The following RXRG variants were observed in gnomAD, a reference collection of about 807,000 sequenced individuals.
RXRG encodes the protein retinoid X receptor gamma, also known as retinoic acid receptor RXR-gamma.
Under a neutral mutation model 49.2 loss-of-function variants are expected in RXRG, and 19 were observed. The ratio of observed to expected loss-of-function variants is 0.39; its 90% CI spans 0.27 to 0.57. The LOEUF is 0.57. Ranked by LOEUF, RXRG falls within the 20% of genes least tolerant of loss-of-function variation. The pLI, the probability that RXRG is intolerant of heterozygous loss-of-function variation, is 0.64. For synonymous variants in RXRG, 224 were observed against 216.6 expected (o/e 1.03, Z -0.30); for missense variants, 452 against 592.5 (o/e 0.76, Z 2.46).
intron 1 of RXRG, among the ~76,000 whole-genome samples, chr1:165,435,306 G>C (rs1658790188): frequency 6.6e-6 from 1 of 152,184 alleles, no homozygotes; most frequent in Admixed American, 6.5e-5. Flanking sequence ...CAAGGGCATG[G>C]CATGCATCAT....
At chr1:165,423,977 A>G (rs1167592509) in intron 2 of RXRG, among the ~76,000 whole-genome samples, 1 of 152,206 alleles carries the variant, frequency 6.6e-6, no homozygotes. Flanking sequence ...AGAAATTAGC[A>G]ATGATAGAAC....
chr1:165,419,597 G>C (rs1048924740), intron 3 of RXRG, among the ~76,000 whole-genome samples: 1 of 152,118 alleles, frequency 6.6e-6, no homozygotes, highest in East Asian at 1.9e-4. Flanking sequence ...AATCACAACA[G>C]CTTCTGTCTC....
At chr1:165,415,365 CT>C (rs971072743) in intron 4 of RXRG, among the ~76,000 whole-genome samples, 2 of 152,148 alleles carry the variant, frequency 1.3e-5, no homozygotes, top group African/African-American at 4.8e-5. Context: ...AGATTTTTGC[CT>C]TTTTTTCTGG....
rs1481886422 is a variant in RXRG at position 165,408,305 on chromosome 1, G to A, written c.1060C>T (p.Leu354=). The A allele has an allele frequency of 6.2e-7, 1 of 1,611,502 alleles. No individual in the cohort carries two copies. The highest frequency in any genetic ancestry group is 8.5e-7 in the Non-Finnish European group (1 of 1,177,556). ...GSIFDRVLTE[L]VSKMKDMQMD... ...TGCATGTCTTTCATTTTGGAAACCA[G>A]CTCAGTTAGGACTCTGTTAACAGGA... The change falls in exon 8 of 10, where the codon CTG becomes TTG. Residue 354 remains leucine, a synonymous_variant. Coordinates refer to ENST00000359842, the MANE Select transcript of RXRG (RefSeq NM_006917.5).
At chr1:165,428,659 G>T in intron 2 of RXRG, 60 bp downstream of exon 2, 1 of 1,526,448 alleles carries the variant, frequency 6.6e-7, no homozygotes, top group Non-Finnish European at 8.8e-7. Context: ...TGCTCCAGGA[G>T]CAGCCTGGGT....
intron 1 of RXRG, among the ~76,000 whole-genome samples, chr1:165,433,601 C>G (rs1268034782): frequency 6.6e-6 from 1 of 152,220 alleles, no homozygotes; most frequent in East Asian, 1.9e-4. Context: ...GTAACATACC[C>G]AAGAATAGCA....
At chr1:165,402,875 C>T (rs1015474517) in intron 9 of RXRG, among the ~76,000 whole-genome samples, 2 of 151,974 alleles carry the variant, frequency 1.3e-5, no homozygotes, top group African/African-American at 2.4e-5. Flanking sequence ...CATACTCACA[C>T]ATGTGCACAC....
intron 9 of RXRG, among the ~76,000 whole-genome samples, chr1:165,404,157 G>T (rs1350373656): frequency 6.6e-6 from 1 of 152,180 alleles, no homozygotes; most frequent in Non-Finnish European, 1.5e-5. Context: ...GCGGACCAGA[G>T]GTGACCAGCC....
At chr1:165,411,591 C>T (rs976758578) in intron 4 of RXRG, among the ~76,000 whole-genome samples, 1 of 152,172 alleles carries the variant, frequency 6.6e-6, no homozygotes, top group South Asian at 2.1e-4. Flanking sequence ...CCAGCTTGAA[C>T]ACAACATCAC....
At chr1:165,427,857 G>GAGA (rs1238495947) in intron 2 of RXRG, among the ~76,000 whole-genome samples, 1 of 152,198 alleles carries the variant, frequency 6.6e-6, no homozygotes, top group East Asian at 1.9e-4. Context: ...GATACACCAT[G>GAGA]AGAAAAGCAT....
At chr1:165,409,470 T>C (rs1657864647) in intron 7 of RXRG, 88 bp downstream of exon 7, 2 of 1,254,132 alleles carry the variant, frequency 1.6e-6, no homozygotes, top group South Asian at 3.7e-5. Flanking sequence ...CACGTGAGAA[T>C]TCATGTATGT....
Position 165,428,973 on chromosome 1 carries a change from G to A in RXRG, c.50-7C>T. The A allele has an allele frequency of 6.2e-7, 1 of 1,611,188 alleles. No individual in the cohort carries two copies. ...CCAGTGTGGCCAGGGGAGCCTGTAA[G>A]AAGAAGAATATAGATGGTGGGAGGT... On this transcript the variant is annotated splice_region_variant and splice_polypyrimidine_tract_variant and intron_variant, in intron 1 of 9. Coordinates refer to ENST00000359842, the MANE Select transcript of RXRG (RefSeq NM_006917.5).
intron 1 of RXRG, chr1:165,437,144 T>C (rs572011619): frequency 7.3e-7 from 1 of 1,367,786 alleles, no homozygotes; most frequent in East Asian, 4.6e-5. Context: ...TCACAGTATC[T>C]GTTTTCACAG....
At chr1:165,434,274 GTGTGTA>G (rs56037789) in intron 1 of RXRG, among the ~76,000 whole-genome samples, 1,841 of 43,322 alleles carry the variant, frequency 0.042, 16 homozygotes, top group Middle Eastern at 0.12. Flanking sequence ...TGAATTGCAT[GTGTGTA>G]TGTGTGTGTG....
chr1:165,436,998 A>G, intron 1 of RXRG: 1 of 1,143,612 alleles, frequency 8.7e-7, no homozygotes, highest in South Asian at 2.0e-5. Context: ...AAAGCACTTA[A>G]TGAATATCTT....
chr1:165,428,312 C>A (rs1191210821), intron 2 of RXRG, among the ~76,000 whole-genome samples: 2 of 152,194 alleles, frequency 1.3e-5, no homozygotes, highest in Non-Finnish European at 2.9e-5. Context: ...TTGTAAGCTC[C>A]TGGAAAGCAA....
At chr1:165,434,989 A>G (rs1050893738) in intron 1 of RXRG, among the ~76,000 whole-genome samples, 6 of 152,222 alleles carry the variant, frequency 3.9e-5, no homozygotes, top group African/African-American at 1.4e-4. Flanking sequence ...AATTGCCACA[A>G]GCCAGACATG....
chr1:165,416,476 A>G (rs1181147672), intron 4 of RXRG, among the ~76,000 whole-genome samples: 2 of 152,186 alleles, frequency 1.3e-5, no homozygotes, highest in Non-Finnish European at 2.9e-5. Flanking sequence ...AAACCTGTGT[A>G]ATGCCAGTAA....
chr1:165,416,890 A>T, intron 4 of RXRG, 151 bp downstream of exon 4: 1 of 689,000 alleles, frequency 1.5e-6, no homozygotes, highest in South Asian at 2.1e-5. Flanking sequence ...TCCTATTCAG[A>T]CTTCTCTTTA....
Sources: allele counts gnomAD v4.1 joint callset (sites outside exome capture counted in the v4.1 genomes callset), GRCh38; gene constraint gnomAD v4.1.1; transcripts MANE v1.5; gene names NCBI Gene and HGNC (gene_info 2026-07-23, HGNC 2026-07-21).